The following SLIT2 variants were observed in gnomAD, a reference collection of about 807,000 sequenced individuals.
SLIT2 encodes slit homolog 2 protein.
Under a neutral mutation model 185.7 loss-of-function variants are expected in SLIT2, and 41 were observed. The ratio of observed to expected loss-of-function variants is 0.22; its 90% CI spans 0.17 to 0.29. SLIT2 has a LOEUF of 0.29. Ranked by LOEUF, SLIT2 falls within the 10% of genes least tolerant of loss-of-function variation. The probability of loss-of-function intolerance (pLI) is 1.00; values close to 1 mark genes in which losing one functional copy is unlikely to be tolerated. For synonymous variants in SLIT2, 693 were observed against 680.2 expected, an observed-to-expected ratio of 1.02 and a Z score of -0.29; for missense variants, 1,571 against 1,909.0, an observed-to-expected ratio of 0.82 and a Z score of 3.30.
At chr4:20,383,484 T>C (rs1371421594) in intron 4 of SLIT2, among the ~76,000 whole-genome samples, 1 of 152,044 alleles carries the variant, frequency 6.6e-6, no homozygotes, top group Non-Finnish European at 1.5e-5. Context: ...TATTACTCAC[T>C]AGGAAAATGA....
chr4:20,401,007 A>G (rs577668176), intron 4 of SLIT2, among the ~76,000 whole-genome samples: 1 of 151,974 alleles, frequency 6.6e-6, no homozygotes, highest in South Asian at 2.1e-4. Flanking sequence ...GGGCACATGT[A>G]ACAAAAGCTT....
intron 10 of SLIT2, 135 bp downstream of exon 10, chr4:20,510,701 A>G (rs984980722): frequency 1.4e-5 from 8 of 585,542 alleles, no homozygotes; most frequent in Admixed American, 9.1e-5. Flanking sequence ...TCTGATTACT[A>G]GCTCTGTAAT....
chr4:20,368,909 A>G (rs566315782), intron 4 of SLIT2, among the ~76,000 whole-genome samples: 39 of 152,254 alleles, frequency 2.6e-4, no homozygotes, highest in African/African-American at 8.9e-4. Flanking sequence ...CAGACATACA[A>G]AAAATACTAT....
chr4:20,604,522 T>C (rs1332884536), intron 33 of SLIT2, among the ~76,000 whole-genome samples: 1 of 151,884 alleles, frequency 6.6e-6, no homozygotes, highest in Non-Finnish European at 1.5e-5. Context: ...GCTTTTTTTG[T>C]ATTTTTAATA....
chr4:20,483,289 G>A (rs151166172), intron 6 of SLIT2, among the ~76,000 whole-genome samples: 26 of 152,110 alleles, frequency 1.7e-4, no homozygotes, highest in Admixed American at 1.7e-3. Context: ...TACAAAGAGT[G>A]AACAGAGTCC....
intron 3 of SLIT2, 52 bp from the exon 4 acceptor site, chr4:20,268,758 A>G (rs1577345453): frequency 1.8e-6 from 2 of 1,104,978 alleles, no homozygotes; most frequent in Non-Finnish European, 2.8e-6. Context: ...TCACAGTCTC[A>G]TTGTTGGGTA....
intron 4 of SLIT2, among the ~76,000 whole-genome samples, chr4:20,291,699 G>A (rs1291711391): frequency 6.6e-6 from 1 of 151,398 alleles, no homozygotes; most frequent in African/African-American, 2.4e-5. Flanking sequence ...ATTTATAAAT[G>A]GTGAAGGCGT....
In SLIT2 at chr4:20,254,084, G is replaced by T. The variant is rs1023700012; in HGVS notation, c.179+90G>T. On this transcript the variant is annotated intron_variant, in intron 1 of 36. Coordinates refer to ENST00000504154, the MANE Select transcript of SLIT2 (RefSeq NM_004787.4). The surrounding 1 kb of genome is among the most constrained non-coding windows in gnomAD (Gnocchi z 5.1). ...GGAACCTGTCAGCTCAGGGTCCTGTGCCTGGGGCAGCCCTCGCTAGCTCTC... is the reference window on the plus strand; with the variant it reads ...GGAACCTGTCAGCTCAGGGTCCTGTTCCTGGGGCAGCCCTCGCTAGCTCTC... The T allele has an allele frequency of 2.3e-6, 3 of 1,314,824 alleles. No homozygotes were observed. Among genetic ancestry groups the T allele is most frequent in the African/African-American group, 1.5e-5 (1 of 68,658 alleles). 81.4% of individuals were successfully genotyped at this position (1,314,824 alleles called of 1,614,324 possible). A position where few individuals can be genotyped will look rare whatever the true frequency, so the allele number is the denominator to read the frequency against.
intron 4 of SLIT2, among the ~76,000 whole-genome samples, chr4:20,442,480 C>T (rs573538435): frequency 2.8e-5 from 4 of 143,510 alleles, no homozygotes; most frequent in East Asian, 4.3e-4. Flanking sequence ...GCTGAGATCG[C>T]GCCACTGCGC....
chr4:20,599,612 A>C (rs1728259043), intron 33 of SLIT2, among the ~76,000 whole-genome samples: 1 of 152,198 alleles, frequency 6.6e-6, no homozygotes, highest in Admixed American at 6.5e-5. Flanking sequence ...TCATCTACTC[A>C]GTTCTTCGTG....
chr4:20,539,267 A>T (rs1722586287), intron 18 of SLIT2, among the ~76,000 whole-genome samples, 174 bp from the exon 19 acceptor site: 1 of 152,250 alleles, frequency 6.6e-6, no homozygotes, highest in African/African-American at 2.4e-5. Flanking sequence ...AAAGCATTTT[A>T]TTCTTGCAAG....
intron 4 of SLIT2, among the ~76,000 whole-genome samples, chr4:20,348,479 C>T (rs1350962540): frequency 6.6e-6 from 1 of 151,812 alleles, no homozygotes; most frequent in Non-Finnish European, 1.5e-5. Context: ...GAACTCCTGA[C>T]CTCAGGCAAT....
At chr4:20,296,835 T>A (rs1716533097) in intron 4 of SLIT2, among the ~76,000 whole-genome samples, 2 of 152,348 alleles carry the variant, frequency 1.3e-5, no homozygotes, top group Non-Finnish European at 2.9e-5. Flanking sequence ...TGAAACCATC[T>A]AAAAGTGAAT....
At chr4:20,404,074 C>A (rs1560393619) in intron 4 of SLIT2, among the ~76,000 whole-genome samples, 1 of 151,904 alleles carries the variant, frequency 6.6e-6, no homozygotes, top group Non-Finnish European at 1.5e-5. Flanking sequence ...GAAGCCTTTA[C>A]AATTTTTCAG....
At chr4:20,321,466 A>C (rs1230087946) in intron 4 of SLIT2, among the ~76,000 whole-genome samples, 1 of 152,188 alleles carries the variant, frequency 6.6e-6, no homozygotes, top group East Asian at 1.9e-4. Flanking sequence ...GAGCCATAAA[A>C]TTCAAGCTGG....
At chr4:20,424,362 TTAAAG>T (rs1479285992) in intron 4 of SLIT2, among the ~76,000 whole-genome samples, 1 of 152,080 alleles carries the variant, frequency 6.6e-6, no homozygotes, top group African/African-American at 2.4e-5. Context: ...GAAAAAATGT[TTAAAG>T]TAATTTGAGA....
intron 4 of SLIT2, among the ~76,000 whole-genome samples, chr4:20,342,682 AT>A (rs1383797426): frequency 9.8e-6 from 1 of 102,172 alleles, no homozygotes; most frequent in African/African-American, 3.8e-5. Flanking sequence ...TCTTATAGTT[AT>A]TTGATTTGAT....
At chr4:20,440,228 A>G (rs1289660637) in intron 4 of SLIT2, among the ~76,000 whole-genome samples, 1 of 152,202 alleles carries the variant, frequency 6.6e-6, no homozygotes, top group African/African-American at 2.4e-5. Context: ...TGTTGGTACT[A>G]CACTGTAGGG....
chr4:20,368,281 C>A, intron 4 of SLIT2, among the ~76,000 whole-genome samples: 1 of 146,230 alleles, frequency 6.8e-6, no homozygotes, highest in African/African-American at 2.5e-5. Context: ...TAGAGAATTT[C>A]TAACACAGTC....
Sources: allele counts gnomAD v4.1 joint callset (sites outside exome capture counted in the v4.1 genomes callset), GRCh38; gene constraint gnomAD v4.1.1; non-coding constraint Gnocchi (gnomAD v3.1); transcripts MANE v1.5; gene names NCBI Gene and HGNC (gene_info 2026-07-23, HGNC 2026-07-21).